LRRIQ1: variants seen among roughly 807,000 people sequenced by gnomAD.
LRRIQ1 encodes leucine rich repeats and IQ motif containing 1, also known as leucine-rich repeat- and IQ domain-containing protein 1.
LRRIQ1 carries 210 observed loss-of-function variants against 211.9 expected under a neutral mutation model. The observed-to-expected ratio is 0.99, with a 90% CI of 0.89 to 1.11. The LOEUF (loss-of-function observed/expected upper bound fraction) is 1.11, where lower values mean the gene tolerates loss of function less well. Among genes scored for constraint, LRRIQ1 ranks in the 50% most tolerant of loss-of-function variants. The pLI is 0.00. For missense variants in LRRIQ1, 2,136 were observed against 1,939.5 expected, an observed-to-expected ratio of 1.10 and a Z score of -1.90; for synonymous variants, 699 against 650.1, an observed-to-expected ratio of 1.08 and a Z score of -1.14.
At chr12:85,071,787 C>T (rs1883112778) in intron 10 of LRRIQ1, among the ~76,000 whole-genome samples, 1 of 152,026 alleles carries the variant, frequency 6.6e-6, no homozygotes, top group Admixed American at 6.6e-5. Context: ...TGCAGGGGAA[C>T]TCCCATTTTT....
At chr12:85,257,418 C>T (rs914341486) in intron 1 of LRRIQ1, among the ~76,000 whole-genome samples, 1 of 150,142 alleles carries the variant, frequency 6.7e-6, no homozygotes, top group Non-Finnish European at 1.5e-5. Context: ...CTTTCCCAAA[C>T]TAACAAAATA....
intron 19 of LRRIQ1, among the ~76,000 whole-genome samples, chr12:85,140,260 TAAG>T (rs1889437419): frequency 6.6e-6 from 1 of 151,340 alleles, no homozygotes; most frequent in African/African-American, 2.4e-5. Context: ...CTTGTATTAA[TAAG>T]AAGTCAGTTT....
intron 11 of LRRIQ1, among the ~76,000 whole-genome samples, chr12:85,075,142 G>A (rs1164582367): frequency 6.6e-6 from 1 of 152,066 alleles, no homozygotes; most frequent in African/African-American, 2.4e-5. Flanking sequence ...ACTGGCATGA[G>A]TTAGGTACTA....
chr12:85,235,858 TA>T (rs1458730197), intron 26 of LRRIQ1, among the ~76,000 whole-genome samples: 13 of 152,182 alleles, frequency 8.5e-5, no homozygotes. Flanking sequence ...TATTGAGGAT[TA>T]AAAACCCAAG....
intron 25 of LRRIQ1, among the ~76,000 whole-genome samples, chr12:85,231,221 G>C (rs1484024039): frequency 6.6e-6 from 1 of 151,898 alleles, no homozygotes. Flanking sequence ...AACAAATCTC[G>C]TTTAATAATA....
At chr12:85,248,820 G>T (rs942015023), downstream of LRRIQ1, among the ~76,000 whole-genome samples, 44 of 151,600 alleles carry the variant, frequency 2.9e-4, no homozygotes, top group African/African-American at 1.0e-3. Flanking sequence ...AACCATTTAA[G>T]CAAAAGTAAA....
At chr12:85,130,380 C>T (rs779191685) in intron 18 of LRRIQ1, among the ~76,000 whole-genome samples, 11 of 152,148 alleles carry the variant, frequency 7.2e-5, no homozygotes, top group African/African-American at 1.2e-4. Flanking sequence ...TCCAAACTCC[C>T]GCCTGTCATC....
At chr12:85,191,006 G>A (rs1341428237) in intron 24 of LRRIQ1, among the ~76,000 whole-genome samples, 1 of 151,964 alleles carries the variant, frequency 6.6e-6, no homozygotes, top group African/African-American at 2.4e-5. Context: ...AAGTGCTGAA[G>A]TAAAAAACCA....
the LRRIQ1 span, among the ~76,000 whole-genome samples, chr12:85,270,667 AT>A: frequency 8.5e-5 from 13 of 152,254 alleles, no homozygotes; most frequent in Non-Finnish European, 1.8e-4. Context: ...CACAATCTGA[AT>A]TTTAAAATAT....
chr12:85,178,872 T>C (rs978813126), intron 24 of LRRIQ1, among the ~76,000 whole-genome samples: 1 of 150,412 alleles, frequency 6.6e-6, no homozygotes, highest in Non-Finnish European at 1.5e-5. Context: ...CAAAGATGAA[T>C]ATAGGGATAC....
chr12:85,233,852 C>A (rs1181320387), intron 26 of LRRIQ1, among the ~76,000 whole-genome samples: 1 of 152,112 alleles, frequency 6.6e-6, no homozygotes, highest in Admixed American at 6.6e-5. Flanking sequence ...TATTGATTAA[C>A]ACTTTGGCAC....
chr12:85,098,054 C>G (rs1565829594), intron 11 of LRRIQ1, among the ~76,000 whole-genome samples: 1 of 152,088 alleles, frequency 6.6e-6, no homozygotes, highest in African/African-American at 2.4e-5. Flanking sequence ...TTATATCTCT[C>G]CCTTGTTTTG....
In LRRIQ1 at chr12:85,190,308, CTG is replaced by C. The variant is rs1043777932; in HGVS notation, c.4822+29596_4822+29597del. Among the ~76,000 whole-genome samples the C allele has an allele frequency of 1.7e-3, 225 of 136,150 alleles. 1 individual carries two copies. The highest frequency in any genetic ancestry group is 7.8e-3 in the Middle Eastern group (1 of 128). The allele number at this position is 136,150 out of a possible 152,430, so 89.3% of individuals were successfully genotyped here. ...TACAGTTAATAATTTATGTTATTAA[CTG>C]TAACTATACAGTTAAAAACTACAGT... On this transcript the variant is annotated intron_variant, in intron 24 of 26. Transcript: ENST00000393217.
In LRRIQ1 at chr12:85,202,221, T is replaced by C. The variant is rs75046142; in HGVS notation, c.4823-27296T>C. Among the ~76,000 whole-genome samples, 2,694 of 152,242 alleles carry C rather than the reference T, an allele frequency of 0.018. 138 individuals are homozygous for C. In the East Asian group the frequency reaches 0.2, roughly 11 times the overall value. ...TTTTTACATCTGTTTGTGTGGTCAG[T>C]TTTAGAGTATGTGCCATAAGCAGGT... On this transcript the variant is annotated intron_variant, in intron 24 of 26. Coordinates refer to ENST00000393217, the MANE Select transcript of LRRIQ1 (RefSeq NM_001079910.2).
chr12:85,235,307 A>C (rs1228355877), intron 26 of LRRIQ1, among the ~76,000 whole-genome samples: 1 of 152,192 alleles, frequency 6.6e-6, no homozygotes, highest in Non-Finnish European at 1.5e-5. Context: ...CAGAAGACAG[A>C]ATTATAATTC....
At chr12:85,132,499 G>A (rs1384899113) in intron 18 of LRRIQ1, among the ~76,000 whole-genome samples, 1 of 152,102 alleles carries the variant, frequency 6.6e-6, no homozygotes, top group Admixed American at 6.6e-5. Flanking sequence ...TGGGCCTGGT[G>A]GAGCACTCCT....
At chr12:85,096,023 C>G (rs1269278934) in intron 11 of LRRIQ1, among the ~76,000 whole-genome samples, 2 of 152,036 alleles carry the variant, frequency 1.3e-5, no homozygotes, top group African/African-American at 4.8e-5. Flanking sequence ...TTTGTTGTTT[C>G]TCAAGACACT....
Position 85,137,937 on chromosome 12 carries a change from G to T in LRRIQ1, c.4297G>T (p.Glu1433Ter), listed in dbSNP as rs915880508. The change falls in exon 19 of 27, where the codon GAA becomes TAA. Residue 1433 changes from glutamate (E) to a stop codon, truncating the protein, a stop_gained. Transcript: ENST00000393217. LOFTEE classifies it high-confidence loss of function. Reference protein sequence around the residue: ...KNEESDEEYREIDLEDFIFDE... With the variant: ...KNEESDEEYR ...TGAAGAATCCGATGAAGAATACAGA[G>T]AAATAGATTTAGAGGATTTTATATT... 7.3e-6 allele frequency: 11 copies of T among 1,501,076 alleles called. No homozygotes were observed. The highest frequency in any genetic ancestry group is 1.0e-5 in the Non-Finnish European group (11 of 1,085,264). The allele number at this position is 1,501,076 out of a possible 1,614,324, so 93.0% of individuals were successfully genotyped here. A position where few individuals can be genotyped will look rare whatever the true frequency, so the allele number is the denominator to read the frequency against.
chr12:85,258,722 AT>A (rs1195852675), intron 1 of LRRIQ1, among the ~76,000 whole-genome samples: 3 of 151,618 alleles, frequency 2.0e-5, no homozygotes, highest in Non-Finnish European at 2.9e-5. Flanking sequence ...AAAATGTTTA[AT>A]TTTTTTTCTC....
Sources: allele counts gnomAD v4.1 joint callset (sites outside exome capture counted in the v4.1 genomes callset), GRCh38; gene constraint gnomAD v4.1.1; transcripts MANE v1.5; gene names NCBI Gene and HGNC (gene_info 2026-07-23, HGNC 2026-07-21).